Variants in IFT81 observed in about 807,000 individuals in gnomAD.
The protein encoded by IFT81 is intraflagellar transport 81.
Under a neutral mutation model 102.6 loss-of-function variants are expected in IFT81, and 72 were observed. The observed-to-expected ratio is 0.70, with a 90% CI of 0.58 to 0.85. The LOEUF is 0.85. IFT81 is among the 40% of genes least tolerant of loss of function. The pLI is 0.00. For synonymous variants in IFT81, 237 were observed against 242.7 expected, an observed-to-expected ratio of 0.98 and a Z score of 0.22; for missense variants, 723 against 787.3, an observed-to-expected ratio of 0.92 and a Z score of 0.98.
chr12:110,134,963 G>T lies in IFT81; in HGVS notation c.535G>T (p.Glu179Ter). 6.2e-7 allele frequency: 1 copy of T among 1,610,746 alleles called. No individual in the cohort carries two copies. Among genetic ancestry groups the T allele is most frequent in the Non-Finnish European group, 8.5e-7 (1 of 1,178,916 alleles). The change falls in exon 6 of 19, where the codon GAA becomes TAA. Residue 179 changes from glutamate (E) to a stop codon, truncating the protein, a stop_gained. Transcript: ENST00000242591. LOFTEE classifies it high-confidence loss of function. ...AEIRKDISAM[E>*]EEKDQLIKRV... ...CACTTTTTAGGATATCAGTGCAATGGAAGAAGAAAAGGATCAGCTCATTAA... is the reference window on the plus strand; with the variant it reads ...CACTTTTTAGGATATCAGTGCAATGTAAGAAGAAAAGGATCAGCTCATTAA...
At chr12:110,175,392 G>A (rs1318244246) in intron 11 of IFT81, among the ~76,000 whole-genome samples, 1 of 152,182 alleles carries the variant, frequency 6.6e-6, no homozygotes, top group Admixed American at 6.5e-5. Context: ...GGTCTGCTCT[G>A]GAGCAGTGCT....
intron 9 of IFT81, among the ~76,000 whole-genome samples, chr12:110,146,038 C>T (rs944275557): frequency 6.6e-6 from 1 of 151,038 alleles, no homozygotes; most frequent in Non-Finnish European, 1.5e-5. Flanking sequence ...TCTCGACCTC[C>T]TGACCTCAGA....
At chr12:110,139,904 A>G (rs77780292) in intron 8 of IFT81, among the ~76,000 whole-genome samples, 225 of 144,248 alleles carry the variant, frequency 1.6e-3, no homozygotes, top group Non-Finnish European at 2.6e-3. Context: ...AAAATAAAAT[A>G]AAAAATAAAA....
At chr12:110,171,695 T>C (rs1896739562) in intron 11 of IFT81, among the ~76,000 whole-genome samples, 1 of 152,230 alleles carries the variant, frequency 6.6e-6, no homozygotes, top group Non-Finnish European at 1.5e-5. Flanking sequence ...AAAGGCTGCT[T>C]TGAACATTTT....
chr12:110,206,675 TA>T (rs551478493), intron 17 of IFT81, among the ~76,000 whole-genome samples: 1,702 of 128,992 alleles, frequency 0.013, 17 homozygotes, highest in African/African-American at 0.031. Context: ...ACTCTGTCTT[TA>T]AAAAAAAAAA....
chr12:110,209,534 C>G (rs530983958), intron 18 of IFT81, among the ~76,000 whole-genome samples: 14 of 152,126 alleles, frequency 9.2e-5, no homozygotes, highest in African/African-American at 3.4e-4. Context: ...TTTGGAAGGC[C>G]AAGGCCAGTG....
intron 13 of IFT81, 151 bp from the exon 14 acceptor site, chr12:110,192,465 AT>A (rs1452204086): frequency 2.0e-6 from 1 of 499,902 alleles, no homozygotes; most frequent in Non-Finnish European, 3.6e-6. Context: ...AGGAATCAGG[AT>A]TTTCTAAAGC....
chr12:110,173,229 C>G (rs1345327274), intron 11 of IFT81, among the ~76,000 whole-genome samples: 5 of 149,794 alleles, frequency 3.3e-5, no homozygotes, highest in South Asian at 2.1e-4. Context: ...TTCAGCCCCC[C>G]ACCCGGCCAG....
intron 10 of IFT81, among the ~76,000 whole-genome samples, chr12:110,152,271 A>G (rs1895583163): frequency 1.3e-5 from 2 of 152,206 alleles, no homozygotes; most frequent in Non-Finnish European, 2.9e-5. Context: ...ATTCCCATCC[A>G]CAGTGTACCA....
At chr12:110,163,418 T>C (rs759245960) in intron 11 of IFT81, among the ~76,000 whole-genome samples, 7 of 151,976 alleles carry the variant, frequency 4.6e-5, no homozygotes, top group Non-Finnish European at 1.0e-4. Flanking sequence ...TTTTTGTATT[T>C]TTAGTAGAGA....
At position 110,154,758 on chromosome 12, in the gene IFT81, T is replaced by C. The variant is rs372249009; in HGVS notation, c.1041+7710T>C. Among the ~76,000 whole-genome samples, 86 of 152,266 alleles carry C rather than the reference T, an allele frequency of 5.6e-4. No individual in the cohort carries two copies. In the South Asian group the frequency reaches 0.016, roughly 29 times the overall value. ...ATCCTGTTGTAGTCAAATAAGATAC[T>C]CTGTATGATATCTATCTTTTAAAAT... On this transcript the variant is annotated intron_variant, in intron 10 of 18. Coordinates refer to ENST00000242591, the MANE Select transcript of IFT81 (RefSeq NM_014055.4).
Position 110,127,473 on chromosome 12 carries a change from A to G in IFT81, c.93A>G (p.Pro31=). The part of the protein sequence containing the change: ...YNLITFDSLE[P]MQLLQVLSDV... ...TAATCACGTTTGATTCCTTGGAGCCAATGCAACTATTACAAGTTCTCAGTG... is the reference window on the plus strand; with the variant it reads ...TAATCACGTTTGATTCCTTGGAGCCGATGCAACTATTACAAGTTCTCAGTG... Residue 31 remains proline, a synonymous_variant, in exon 2 of 19, where the codon CCA becomes CCG. Transcript: ENST00000242591. 2 of 1,610,512 alleles carry G rather than the reference A, an allele frequency of 1.2e-6. No individual in the cohort carries two copies. Among genetic ancestry groups the G allele is most frequent in the South Asian group, 1.1e-5 (1 of 90,270 alleles).
intron 4 of IFT81, among the ~76,000 whole-genome samples, chr12:110,129,890 T>C (rs1358814591): frequency 6.6e-6 from 1 of 152,146 alleles, no homozygotes; most frequent in Non-Finnish European, 1.5e-5. Context: ...TTTTATTCCA[T>C]AGCACTTACA....
intron 4 of IFT81, among the ~76,000 whole-genome samples, chr12:110,131,327 G>A (rs1298459254): frequency 6.6e-6 from 1 of 151,778 alleles, no homozygotes; most frequent in Non-Finnish European, 1.5e-5. Flanking sequence ...TTAGGTAACA[G>A]GATTTTTTTC....
At chr12:110,171,909 C>T (rs11065287) in intron 11 of IFT81, 37,495 of 152,046 alleles carry the variant, frequency 0.25, 5,746 homozygotes, top group East Asian at 0.66. Flanking sequence ...TATCTCATCT[C>T]GTGCCTAACT....
intron 14 of IFT81, among the ~76,000 whole-genome samples, chr12:110,193,475 G>C (rs577065880): frequency 6.6e-6 from 1 of 152,224 alleles, no homozygotes; most frequent in East Asian, 1.9e-4. Flanking sequence ...GAGAAGTGAT[G>C]AAATACCATT....
At chr12:110,135,676 G>A (rs1291648470) in intron 7 of IFT81, among the ~76,000 whole-genome samples, 1 of 151,992 alleles carries the variant, frequency 6.6e-6, no homozygotes, top group African/African-American at 2.4e-5. Flanking sequence ...AGACCAGCCT[G>A]GCCAGCACAG....
intron 11 of IFT81, among the ~76,000 whole-genome samples, chr12:110,166,648 G>A (rs536748040): frequency 6.6e-6 from 1 of 151,708 alleles, no homozygotes; most frequent in Admixed American, 6.6e-5. Context: ...AAGTTACACA[G>A]TTAGCATGTA....
At chr12:110,160,713 T>C (rs1365175866) in intron 10 of IFT81, among the ~76,000 whole-genome samples, 1 of 152,228 alleles carries the variant, frequency 6.6e-6, no homozygotes, top group Admixed American at 6.5e-5. Flanking sequence ...CCATCACATA[T>C]ATTTACTTTC....
Sources: gnomAD v4.1 joint callset for allele counts (sites outside exome capture counted in the v4.1 genomes callset) on GRCh38, gnomAD v4.1.1 for gene constraint, MANE v1.5 for transcripts, NCBI Gene and HGNC (gene_info 2026-07-23, HGNC 2026-07-21) for gene names.